PSMB5: variants seen among roughly 807,000 people sequenced by gnomAD.
The protein encoded by PSMB5 is proteasome 20S subunit beta 5, also known as proteasome subunit beta type-5.
Under a neutral mutation model 22.8 loss-of-function variants are expected in PSMB5, and 2 were observed. The ratio of observed to expected loss-of-function variants is 0.09; its 90% CI spans 0.04 to 0.28. The LOEUF is 0.28. Among genes scored for constraint, PSMB5 ranks in the 10% least tolerant of loss-of-function variants. The pLI, the probability that PSMB5 is intolerant of heterozygous loss-of-function variation, is 1.00. For missense variants in PSMB5, 269 were observed against 343.8 expected (o/e 0.78, Z 1.72); for synonymous variants, 133 against 135.3 (o/e 0.98, Z 0.12).
In PSMB5 at chr14:23,034,760, A is replaced by C; in HGVS notation, c.122T>G (p.Leu41Arg). 1 of 1,614,176 alleles carries C rather than the reference A, an allele frequency of 6.2e-7. No homozygotes were observed. The highest frequency in any genetic ancestry group is 8.5e-7 in the Non-Finnish European group (1 of 1,180,024). The change falls in exon 1 of 3, where the codon CTG (leucine) becomes CGG (arginine). Residue 41 changes from leucine (L) to arginine (R), a missense_variant. Around this residue, in one of 3 missense-constraint regions of PSMB5, gnomAD observed 81 missense variants for 70.4 expected, o/e 1.15. Transcript: ENST00000361611. ...TGGGACACCCCAGCCTGGCGCGGCC[A>C]GGCTCAGACCATCACTGAGACTCCC... ...GPGSLSDGLS[L>R]AAPGWGVPEE...
At chr14:23,033,705 G>A (rs1188846775) in intron 1 of PSMB5, 31 bp from the exon 2 acceptor site, 9 of 1,580,280 alleles carry the variant, frequency 5.7e-6, no homozygotes, top group Non-Finnish European at 7.8e-6. Flanking sequence ...CACAAAACAG[G>A]CCACATAAGA....
chr14:23,029,763 G>A (rs2139916292), intron 2 of PSMB5, among the ~76,000 whole-genome samples: 1 of 151,806 alleles, frequency 6.6e-6, no homozygotes, highest in Admixed American at 6.6e-5. Context: ...ACAGGCATGT[G>A]CCACCACAGC....
intron 1 of PSMB5, 189 bp downstream of exon 1, chr14:23,034,495 C>A: frequency 1.5e-6 from 1 of 685,396 alleles, no homozygotes; most frequent in East Asian, 2.8e-5. Context: ...CACCGCCACC[C>A]TTTCCAACCA....
upstream of PSMB5, chr14:23,034,938 C>A (rs58369103): frequency 1.3e-6 from 2 of 1,560,852 alleles, no homozygotes; most frequent in Admixed American, 3.9e-5. Flanking sequence ...ATAGGCCGGG[C>A]AACGCCTCGC....
chr14:23,029,024 A>G (rs1305716090), intron 2 of PSMB5, among the ~76,000 whole-genome samples: 1 of 152,134 alleles, frequency 6.6e-6, no homozygotes, highest in African/African-American at 2.4e-5. Flanking sequence ...CTCACATCTC[A>G]CTGTGCACTA....
At position 23,027,424 on chromosome 14, in the gene PSMB5, A is replaced by T. The variant is rs568700894; in HGVS notation, c.506-1049T>A. Among the ~76,000 whole-genome samples, 354 of 143,648 alleles carry T rather than the reference A, an allele frequency of 2.5e-3. 1 individual carries two copies. Among genetic ancestry groups the T allele is most frequent in the African/African-American group, 8.6e-3 (340 of 39,352 alleles). 94.2% of individuals were successfully genotyped at this position (143,648 alleles called of 152,430 possible). A position where few individuals can be genotyped will look rare whatever the true frequency, so the allele number is the denominator to read the frequency against. On this transcript the variant is annotated intron_variant, in intron 2 of 2. Transcript: ENST00000361611. Reference sequence around the variant, plus strand: ...AATAATAATAATAAATAAATAAAATAATATATATATATATAAAAGAGAAAC... The same window carrying T: ...AATAATAATAATAAATAAATAAAATTATATATATATATATAAAAGAGAAAC...
chr14:23,027,198 C>T (rs1159428284), intron 2 of PSMB5, among the ~76,000 whole-genome samples: 3 of 151,326 alleles, frequency 2.0e-5, no homozygotes, highest in Admixed American at 6.6e-5. Flanking sequence ...CTGGCTAACA[C>T]GGTGAAACCC....
At chr14:23,034,548 T>G in intron 1 of PSMB5, 136 bp downstream of exon 1, 1 of 1,030,246 alleles carries the variant, frequency 9.7e-7, no homozygotes, top group Non-Finnish European at 1.4e-6. Context: ...ACAGCAAAAC[T>G]GCTGCGGTCC....
rs1219043570 is a variant in PSMB5 at position 23,026,357 on chromosome 14, C to T, written c.524G>A (p.Ser175Asn). Residue 175 changes from serine to asparagine, a missense_variant, in exon 3 of 3, where the codon AGT (serine) becomes AAT (asparagine). Physicochemically the swap from Ser to Asn is conservative, Grantham distance 46. This residue lies in a region of PSMB5 where 113 missense variants were observed against 130.2 expected (regional missense o/e 0.87). Transcript: ENST00000361611. ...KRGPGLYYVDSEGNRISGATF... is the reference protein window; with the variant it reads ...KRGPGLYYVDNEGNRISGATF... ...GGCCCCTGAAATCCGGTTCCCTTCA[C>T]TGTCCACGTAGTAGAGGCCTGGAAA... is the stretch of plus-strand genomic sequence containing the variant. 4 of 1,613,942 alleles carry T rather than the reference C, an allele frequency of 2.5e-6. No individual in the cohort carries two copies. The highest frequency in any genetic ancestry group is 3.4e-6 in the Non-Finnish European group (4 of 1,179,980).
chr14:23,026,998 C>T (rs1460852907), intron 2 of PSMB5, among the ~76,000 whole-genome samples: 1 of 151,726 alleles, frequency 6.6e-6, no homozygotes, highest in African/African-American at 2.4e-5. Flanking sequence ...AGGAGAATCA[C>T]TTGAACCTGG....
At chr14:23,026,859 G>T (rs1408019363) in intron 2 of PSMB5, among the ~76,000 whole-genome samples, 2 of 149,444 alleles carry the variant, frequency 1.3e-5, no homozygotes, top group African/African-American at 4.9e-5. Flanking sequence ...GAGGTGGGCA[G>T]ATCACCTGAG....
intron 1 of PSMB5, 89 bp from the exon 2 acceptor site, chr14:23,033,763 G>A (rs2046970903): frequency 8.6e-7 from 1 of 1,164,066 alleles, no homozygotes; most frequent in Non-Finnish European, 1.2e-6. Context: ...TCCAAACCCA[G>A]CACATCTCTT....
chr14:23,027,803 T>C (rs1395401603), intron 2 of PSMB5: 1 of 1,547,694 alleles, frequency 6.5e-7, no homozygotes, highest in Non-Finnish European at 8.7e-7. Flanking sequence ...CCAAATGACT[T>C]AGGTTTCAAG....
rs2046908630 is a variant in PSMB5 at position 23,025,907 on chromosome 14, C to T, written c.*182G>A. The T allele has an allele frequency of 4.2e-6, 6 of 1,438,104 alleles. No individual in the cohort carries two copies. The highest frequency in any genetic ancestry group is 5.5e-6 in the Non-Finnish European group (6 of 1,100,294). 89.1% of individuals were successfully genotyped at this position (1,438,104 alleles called of 1,614,324 possible). On this transcript the variant is annotated 3_prime_UTR_variant, in exon 3 of 3. Coordinates refer to ENST00000361611, the MANE Select transcript of PSMB5 (RefSeq NM_002797.5). Reference sequence around the variant, plus strand: ...CATCCAAGAAAGTAAAACAAATAGTCACCTCTGCAGCAGCTCATTAATGAC... The same window carrying T: ...CATCCAAGAAAGTAAAACAAATAGTTACCTCTGCAGCAGCTCATTAATGAC...
At position 23,026,055 on chromosome 14, in the gene PSMB5, C is replaced by T. The variant is rs755861710; in HGVS notation, c.*34G>A. The stretch of plus-strand genomic sequence containing the variant: ...TGTCCGTATTACCAATGACAGTCAC[C>T]CCAAGAAACACAAGCAGCTGCATCC... On this transcript the variant is annotated 3_prime_UTR_variant, in exon 3 of 3. Coordinates refer to ENST00000361611, the MANE Select transcript of PSMB5 (RefSeq NM_002797.5). The T allele has an allele frequency of 6.2e-7, 1 of 1,607,620 alleles. No individual in the cohort carries two copies.
chr14:23,034,878 C>T lies in PSMB5; in HGVS notation c.4G>A (p.Ala2Thr), dbSNP rs772782364. The change falls in exon 1 of 3, where the codon GCG becomes ACG. Residue 2 changes from alanine to threonine, a missense_variant. This residue lies in a region of PSMB5 where 81 missense variants were observed against 70.4 expected (regional missense o/e 1.15). Coordinates refer to ENST00000361611, the MANE Select transcript of PSMB5 (RefSeq NM_002797.5). M[A>T]LASVLERPLP... ...GGTCTCTCCAACACGCTGGCAAGCGCCATGTCTAGTGTGGGCAGAAAGAAC... is the reference window on the plus strand; with the variant it reads ...GGTCTCTCCAACACGCTGGCAAGCGTCATGTCTAGTGTGGGCAGAAAGAAC... The T allele has an allele frequency of 6.2e-7, 1 of 1,614,066 alleles. No homozygotes were observed. Among genetic ancestry groups the T allele is most frequent in the South Asian group, 1.1e-5 (1 of 91,080 alleles).
intron 2 of PSMB5, among the ~76,000 whole-genome samples, chr14:23,027,351 A>G (rs1213664200): frequency 1.3e-5 from 2 of 148,930 alleles, no homozygotes; most frequent in African/African-American, 4.9e-5. Context: ...ACTGCACTCC[A>G]GCCTGGGAGA....
intron 2 of PSMB5, 149 bp downstream of exon 2, chr14:23,033,219 A>G: frequency 1.2e-6 from 1 of 867,232 alleles, no homozygotes. Context: ...AGTCTAAAAA[A>G]ACAGGAAAAA....
At chr14:23,028,209 T>C (rs2046930177) in intron 2 of PSMB5, among the ~76,000 whole-genome samples, 2 of 152,200 alleles carry the variant, frequency 1.3e-5, no homozygotes, top group Non-Finnish European at 2.9e-5. Flanking sequence ...CCCAGTCACT[T>C]GAGCCCAGGA....
Sources: allele counts gnomAD v4.1 joint callset (sites outside exome capture counted in the v4.1 genomes callset), GRCh38; gene constraint gnomAD v4.1.1; regional missense constraint gnomAD v4.1.1; transcripts MANE v1.5; gene names NCBI Gene and HGNC (gene_info 2026-07-23, HGNC 2026-07-21).